ANKRD33B: variants seen among roughly 807,000 people sequenced by gnomAD.
The protein encoded by ANKRD33B is ankyrin repeat domain-containing protein 33B.
In ANKRD33B, 6 loss-of-function variants were observed where a neutral mutation model predicts 21.5. The observed-to-expected ratio is 0.28, with a 90% CI of 0.15 to 0.55. The LOEUF (loss-of-function observed/expected upper bound fraction) is 0.55. Among genes scored for constraint, ANKRD33B ranks in the 20% least tolerant of loss-of-function variants. The pLI is 0.94. For synonymous variants in ANKRD33B, 347 were observed against 342.4 expected (o/e 1.01, Z -0.15); for missense variants, 698 against 747.2 (o/e 0.93, Z 0.77).
intron 2 of ANKRD33B, among the ~76,000 whole-genome samples, chr5:10,632,632 G>A (rs1313816819): frequency 2.6e-5 from 4 of 152,240 alleles, no homozygotes; most frequent in South Asian, 2.1e-4. Flanking sequence ...GAATGCTCCC[G>A]TGGCTTCCTG....
At chr5:10,636,875 C>T (rs577502929) in intron 2 of ANKRD33B, among the ~76,000 whole-genome samples, 2 of 152,318 alleles carry the variant, frequency 1.3e-5, no homozygotes, top group African/African-American at 2.4e-5. Context: ...CTTGCCCCAC[C>T]GATGGCGGTT....
At chr5:10,573,205 A>G (rs1181261556) in intron 1 of ANKRD33B, among the ~76,000 whole-genome samples, 1 of 152,184 alleles carries the variant, frequency 6.6e-6, no homozygotes, top group Non-Finnish European at 1.5e-5. Context: ...GCGGTGGCTC[A>G]CACCTGTAAT....
At chr5:10,572,373 C>A (rs989254732) in intron 1 of ANKRD33B, among the ~76,000 whole-genome samples, 4 of 152,084 alleles carry the variant, frequency 2.6e-5, no homozygotes, top group Non-Finnish European at 5.9e-5. Flanking sequence ...TGAGTCAGGG[C>A]CTACTTTTCA....
In ANKRD33B at chr5:10,624,694, G is replaced by T. The variant is rs762725971; in HGVS notation, c.496+6232G>T. On this transcript the variant is annotated intron_variant, in intron 2 of 3. Transcript: ENST00000296657. ...CTTAATTGCCTCAATGTGCCGAAGA[G>T]ATTTTCCCTAATTTCTTTCTGAACC... is the stretch of plus-strand genomic sequence containing the variant. The T allele has an allele frequency of 2.9e-5, 13 of 453,058 alleles. 1 individual carries two copies. Among genetic ancestry groups the T allele is most frequent in the South Asian group, 2.0e-4 (13 of 64,066 alleles). The allele number at this position is 453,058 out of a possible 1,614,324, so 28.1% of individuals were successfully genotyped here. A position where few individuals can be genotyped will look rare whatever the true frequency, so the allele number is the denominator to read the frequency against.
At chr5:10,615,319 A>T (rs1157573719) in intron 1 of ANKRD33B, among the ~76,000 whole-genome samples, 1 of 152,204 alleles carries the variant, frequency 6.6e-6, no homozygotes, top group Non-Finnish European at 1.5e-5. Context: ...TAATCCAGAA[A>T]TCCTGCTTCT....
Position 10,650,383 on chromosome 5 carries a change from G to A in ANKRD33B, c.*270G>A. Reference sequence around the variant, plus strand: ...GCTCCCTTTAGAGAACCTCAATTAAGATTTTTTTTAAAGATCAATTTATCA... The same window carrying A: ...GCTCCCTTTAGAGAACCTCAATTAAAATTTTTTTTAAAGATCAATTTATCA... On this transcript the variant is annotated 3_prime_UTR_variant, in exon 4 of 4. Transcript: ENST00000296657. 1 of 284,480 alleles carries A rather than the reference G, an allele frequency of 3.5e-6. No individual in the cohort carries two copies. Among genetic ancestry groups the A allele is most frequent in the Non-Finnish European group, 6.5e-6 (1 of 153,616 alleles). 17.6% of individuals were successfully genotyped at this position (284,480 alleles called of 1,614,324 possible). A position where few individuals can be genotyped will look rare whatever the true frequency, so the allele number is the denominator to read the frequency against.
intron 1 of ANKRD33B, among the ~76,000 whole-genome samples, chr5:10,565,062 G>A (rs926379299): frequency 6.6e-6 from 1 of 152,224 alleles, no homozygotes; most frequent in African/African-American, 2.4e-5. Flanking sequence ...GTGTCAGCGC[G>A]GCAGAAACGC....
chr5:10,650,016 CCAAGGAGGA>C lies in ANKRD33B; in HGVS notation c.1389_1397del (p.Glu465_Lys467del). 6.5e-7 allele frequency: 1 copy of C among 1,533,396 alleles called. No individual in the cohort carries two copies. 95.0% of individuals were successfully genotyped at this position (1,533,396 alleles called of 1,614,324 possible). A position where few individuals can be genotyped will look rare whatever the true frequency, so the allele number is the denominator to read the frequency against. On this transcript the variant is annotated inframe_deletion, in exon 4 of 4. Transcript: ENST00000296657. ...ATCCCCAAGTGGCGGTACAAGGAGG[CCAAGGAGGA>C]GAAGAGGAAGGCAGAGGAGGCCGAA...
At chr5:10,608,195 A>G (rs35952457) in intron 1 of ANKRD33B, among the ~76,000 whole-genome samples, 2 of 112,300 alleles carry the variant, frequency 1.8e-5, no homozygotes, top group South Asian at 6.8e-4. Flanking sequence ...CTAAAAAAAT[A>G]CAAAAAAAAA....
chr5:10,613,786 G>A (rs1247095222), intron 1 of ANKRD33B, among the ~76,000 whole-genome samples: 3 of 151,774 alleles, frequency 2.0e-5, no homozygotes, highest in African/African-American at 7.3e-5. Flanking sequence ...TGTAGTCCCA[G>A]CTACTTAGCA....
intron 1 of ANKRD33B, among the ~76,000 whole-genome samples, chr5:10,603,074 A>G (rs1374986319): frequency 6.6e-6 from 1 of 151,606 alleles, no homozygotes; most frequent in Non-Finnish European, 1.5e-5. Flanking sequence ...TCAGCCTCCC[A>G]AGGATCTGGG....
chr5:10,583,429 T>C (rs1010732967), intron 1 of ANKRD33B, among the ~76,000 whole-genome samples: 3 of 152,240 alleles, frequency 2.0e-5, no homozygotes, highest in African/African-American at 7.2e-5. Context: ...TCCTTTGCTG[T>C]GGGAACCCGT....
rs374461177 is a variant in ANKRD33B, at chr5:10,604,190, C to CTTT, written c.367-14126_367-14124dup. 1.0e-4 allele frequency among the ~76,000 whole-genome samples: 10 copies of CTTT among 99,354 alleles called. 1 individual carries two copies. The highest frequency in any genetic ancestry group is 1.4e-4 in the Non-Finnish European group (7 of 51,470). The allele number at this position is 99,354 out of a possible 152,430, so 65.2% of individuals were successfully genotyped here. On this transcript the variant is annotated intron_variant, in intron 1 of 3. Coordinates refer to ENST00000296657, the MANE Select transcript of ANKRD33B (RefSeq NM_001164440.2). The stretch of plus-strand genomic sequence containing the variant: ...TACAGGTGTGAGCCACCGCGCCTGG[C>CTTT]TTTTTTTTTTTTTTTTTTTCAGACA...
chr5:10,634,494 C>G (rs1012330030), intron 2 of ANKRD33B, among the ~76,000 whole-genome samples: 4 of 148,668 alleles, frequency 2.7e-5, no homozygotes, highest in South Asian at 4.2e-4. Context: ...GGGTCTCACT[C>G]TGTCGTCCAG....
At chr5:10,575,491 G>A (rs1735300584) in intron 1 of ANKRD33B, among the ~76,000 whole-genome samples, 1 of 151,966 alleles carries the variant, frequency 6.6e-6, no homozygotes, top group African/African-American at 2.4e-5. Context: ...TAAGTAAACA[G>A]GGCCTGGCAA....
intron 1 of ANKRD33B, among the ~76,000 whole-genome samples, chr5:10,595,746 C>T (rs915833621): frequency 1.3e-5 from 2 of 152,182 alleles, no homozygotes; most frequent in African/African-American, 4.8e-5. Context: ...ATGTCATCTT[C>T]TGGGCTCATC....
intron 1 of ANKRD33B, among the ~76,000 whole-genome samples, chr5:10,615,409 GAGAA>G (rs1361909702): frequency 1.3e-5 from 2 of 152,240 alleles, no homozygotes; most frequent in African/African-American, 4.8e-5. Context: ...TTTTACTCAT[GAGAA>G]AGAAAGTGAG....
chr5:10,622,586 A>G (rs1736444253), intron 2 of ANKRD33B, among the ~76,000 whole-genome samples: 2 of 152,188 alleles, frequency 1.3e-5, no homozygotes, highest in Admixed American at 1.3e-4. Context: ...GAATTTTTCT[A>G]AGAATATGGA....
chr5:10,611,750 G>C (rs1368352725), intron 1 of ANKRD33B, among the ~76,000 whole-genome samples: 1 of 152,216 alleles, frequency 6.6e-6, no homozygotes, highest in African/African-American at 2.4e-5. Context: ...CTTGGGGAGT[G>C]TATTTCAAGG....
Sources: gnomAD v4.1 joint callset for allele counts (sites outside exome capture counted in the v4.1 genomes callset) on GRCh38, gnomAD v4.1.1 for gene constraint, MANE v1.5 for transcripts, NCBI Gene and HGNC (gene_info 2026-07-23, HGNC 2026-07-21) for gene names.